DNAH5: variants seen among roughly 807,000 people sequenced by gnomAD.
The protein encoded by DNAH5 is axonemal beta dynein heavy chain 5.
In DNAH5, 372 loss-of-function variants were observed where a neutral mutation model predicts 518.2. That is an observed-to-expected ratio of 0.72 (90% CI 0.66 to 0.78). The LOEUF is 0.78. Among genes scored for constraint, DNAH5 ranks in the 30% least tolerant of loss-of-function variants. The pLI, the probability that DNAH5 is intolerant of heterozygous loss-of-function variation, is 0.00. For missense variants in DNAH5, 5,523 were observed against 5,687.0 expected, an observed-to-expected ratio of 0.97 and a Z score of 0.93; for synonymous variants, 2,039 against 2,025.9, an observed-to-expected ratio of 1.01 and a Z score of -0.17.
At chr5:13,835,630 G>C (rs1240681348) in intron 35 of DNAH5, among the ~76,000 whole-genome samples, 2 of 152,116 alleles carry the variant, frequency 1.3e-5, no homozygotes, top group Admixed American at 6.5e-5. Context: ...AGGGCTACAT[G>C]AATGACACAC....
intron 66 of DNAH5, among the ~76,000 whole-genome samples, chr5:13,736,330 T>C (rs1747412478): frequency 6.6e-6 from 1 of 152,142 alleles, no homozygotes; most frequent in African/African-American, 2.4e-5. Flanking sequence ...GGGCTTCAAG[T>C]CTGCAAAACA....
At chr5:13,809,817 T>C (rs1234170418) in intron 45 of DNAH5, among the ~76,000 whole-genome samples, 4 of 152,196 alleles carry the variant, frequency 2.6e-5, no homozygotes, top group Non-Finnish European at 4.4e-5. Context: ...TTTTTAAATG[T>C]TTCTTAATTC....
intron 2 of DNAH5, among the ~76,000 whole-genome samples, chr5:13,930,768 T>C (rs548043348): frequency 6.6e-6 from 1 of 152,122 alleles, no homozygotes; most frequent in East Asian, 1.9e-4. Context: ...ACAGGGGAAA[T>C]GCACAAAAGA....
In DNAH5 at chr5:13,859,594, G is replaced by T. The variant is rs763403245; in HGVS notation, c.4808C>A (p.Pro1603Gln). ...GSLLSNRYNM[P>Q]FKAQIQKWVQ... ...CCATTTTTGAATCTGGGCTTTGAAT[G>T]GCATATTGTACCTAAAATAAGAAAT... Residue 1603 changes from proline to glutamine, a missense_variant, in exon 30 of 79, where the codon CCA becomes CAA. Physicochemically the swap from Pro to Gln is moderately conservative, Grantham distance 76 (BLOSUM62 -1). Coordinates refer to ENST00000265104, the MANE Select transcript of DNAH5 (RefSeq NM_001369.3). 2.1e-5 allele frequency: 34 copies of T among 1,613,732 alleles called. No individual in the cohort carries two copies. Among genetic ancestry groups the T allele is most frequent in the Non-Finnish European group, 2.9e-5 (34 of 1,179,840 alleles).
intron 65 of DNAH5, among the ~76,000 whole-genome samples, chr5:13,743,610 C>T (rs1748917586): frequency 6.9e-6 from 1 of 144,142 alleles, no homozygotes; most frequent in African/African-American, 2.5e-5. Context: ...GGAACTCAAA[C>T]ATCTCAACAG....
In DNAH5 at chr5:13,786,160, C is replaced by T; in HGVS notation, c.8820+19G>A. 1 of 1,613,586 alleles carries T rather than the reference C, an allele frequency of 6.2e-7. No homozygotes were observed. ...TGTCTGTCACCTCCACAAGGCACTA[C>T]TCAGAGTGGCTACTGTACCTTGACT... On this transcript the variant is annotated intron_variant, in intron 52 of 78. Coordinates refer to ENST00000265104, the MANE Select transcript of DNAH5 (RefSeq NM_001369.3).
At chr5:13,829,041 A>T (rs970650701) in intron 38 of DNAH5, among the ~76,000 whole-genome samples, 1 of 152,192 alleles carries the variant, frequency 6.6e-6, no homozygotes, top group African/African-American at 2.4e-5. Context: ...TAACTATGAA[A>T]CCTCATGATG....
At chr5:13,714,947 G>C (rs928990959) in intron 74 of DNAH5, among the ~76,000 whole-genome samples, 1 of 152,152 alleles carries the variant, frequency 6.6e-6, no homozygotes, top group Admixed American at 6.5e-5. Context: ...CAGTCTAATA[G>C]ACTTCAAACC....
intron 65 of DNAH5, among the ~76,000 whole-genome samples, chr5:13,743,156 G>A (rs1286492261): frequency 2.0e-5 from 3 of 151,968 alleles, no homozygotes; most frequent in African/African-American, 7.2e-5. Flanking sequence ...CCACCAAAGG[G>A]ATTATCTCTT....
At chr5:13,790,822 G>A (rs897302021) in intron 50 of DNAH5, among the ~76,000 whole-genome samples, 4 of 152,002 alleles carry the variant, frequency 2.6e-5, no homozygotes, top group Non-Finnish European at 4.4e-5. Context: ...GTATGAAAAC[G>A]GACTAATACA....
chr5:13,859,671 G>A, intron 29 of DNAH5, 66 bp from the exon 30 acceptor site: 1 of 1,523,164 alleles, frequency 6.6e-7, no homozygotes, highest in Non-Finnish European at 9.1e-7. Flanking sequence ...AAATTAAAAA[G>A]GTTTTTAAAA....
intron 44 of DNAH5, among the ~76,000 whole-genome samples, chr5:13,810,975 G>A (rs1234134023): frequency 1.3e-5 from 2 of 152,202 alleles, no homozygotes; most frequent in Non-Finnish European, 2.9e-5. Context: ...AAATAAGCCA[G>A]ACGCAGAAAG....
Position 13,840,985 on chromosome 5 carries a change from T to G in DNAH5, c.5630A>C (p.Asp1877Ala), listed in dbSNP as rs770681213. The G allele has an allele frequency of 3.1e-6, 5 of 1,614,188 alleles. No homozygotes were observed. In the South Asian group the frequency reaches 5.5e-5, roughly 18 times the overall value. Reference sequence around the variant, plus strand: ...TTTCACTCGTTCCGTGGAACTCAGATCCCTCGTGGTGACGTCTATCAATGT... The same window carrying G: ...TTTCACTCGTTCCGTGGAACTCAGAGCCCTCGTGGTGACGTCTATCAATGT... ...LNTLIDVTTR[D>A]LSSTERVKYE... Residue 1877 changes from aspartate (D) to alanine (A), a missense_variant, in exon 34 of 79, where the codon GAT becomes GCT. This residue lies in a region of DNAH5 where 5,121 missense variants were observed against 5,223.3 expected (regional missense o/e 0.98). Coordinates refer to ENST00000265104, the MANE Select transcript of DNAH5 (RefSeq NM_001369.3).
chr5:13,882,780 C>G lies in DNAH5; in HGVS notation c.3210G>C (p.Gln1070His), dbSNP rs372974399. 39 of 1,614,138 alleles carry G rather than the reference C, an allele frequency of 2.4e-5. No individual in the cohort carries two copies. The highest frequency in any genetic ancestry group is 2.0e-4 in the Admixed American group (12 of 60,032). ...CATCAGAATCACTGTCTTCATTACTCTGCAAAGCAGCCATTTTTCTTTCTT... is the reference window on the plus strand; with the variant it reads ...CATCAGAATCACTGTCTTCATTACTGTGCAAAGCAGCCATTTTTCTTTCTT... ...KIQERKMAAL[Q>H]SNEDSDSDVE... The change falls in exon 21 of 79, where the codon CAG becomes CAC. Residue 1070 changes from glutamine to histidine, a missense_variant. Coordinates refer to ENST00000265104, the MANE Select transcript of DNAH5 (RefSeq NM_001369.3).
At chr5:13,768,209 T>C (rs1314025483) in intron 58 of DNAH5, among the ~76,000 whole-genome samples, 2 of 152,248 alleles carry the variant, frequency 1.3e-5, no homozygotes, top group African/African-American at 2.4e-5. Flanking sequence ...TGGGAGGTGA[T>C]TGGATCATGG....
intron 12 of DNAH5, among the ~76,000 whole-genome samples, chr5:13,905,475 A>T (rs1432330375): frequency 6.6e-6 from 1 of 152,240 alleles, no homozygotes; most frequent in African/African-American, 2.4e-5. Flanking sequence ...AACTGTAAGA[A>T]ATAAATTTCT....
At chr5:13,796,234 C>T (rs1027556450) in intron 47 of DNAH5, among the ~76,000 whole-genome samples, 2 of 152,076 alleles carry the variant, frequency 1.3e-5, no homozygotes, top group African/African-American at 2.4e-5. Context: ...AAAGGGTATT[C>T]GATTAGGAAA....
At position 13,800,925 on chromosome 5, in the gene DNAH5, T is replaced by C. The variant is rs114856274; in HGVS notation, c.7887+6666A>G. The stretch of plus-strand genomic sequence containing the variant: ...TAGAAGGTAAGGAGGGAAGGCACCT[T>C]GTTTTCCTTACTTTACTCATTATTT... On this transcript the variant is annotated intron_variant, in intron 47 of 78. Transcript: ENST00000265104. 9.1e-3 allele frequency among the ~76,000 whole-genome samples: 1,389 copies of C among 152,348 alleles called. 9 individuals are homozygous for C. The highest frequency in any genetic ancestry group is 0.015 in the Non-Finnish European group (1,007 of 68,040).
intron 1 of DNAH5, among the ~76,000 whole-genome samples, chr5:13,961,663 G>A (rs1781194576): frequency 6.6e-6 from 1 of 152,044 alleles, no homozygotes; most frequent in South Asian, 2.1e-4. Context: ...AAAAGAAAAA[G>A]AAAGAAAGAA....
Sources: gnomAD v4.1 joint callset for allele counts (sites outside exome capture counted in the v4.1 genomes callset) on GRCh38, gnomAD v4.1.1 for gene constraint, gnomAD v4.1.1 regional missense constraint, MANE v1.5 for transcripts, NCBI Gene and HGNC (gene_info 2026-07-23, HGNC 2026-07-21) for gene names.